The following RAB40B variants were observed in gnomAD, a reference collection of about 807,000 sequenced individuals.
RAB40B encodes the protein RAB40B, member RAS oncogene family.
Under a neutral mutation model 24.0 loss-of-function variants are expected in RAB40B, and 21 were observed. The ratio of observed to expected loss-of-function variants is 0.88; its 90% CI spans 0.62 to 1.26. RAB40B has a LOEUF of 1.26. RAB40B is among the 50% of genes most tolerant of loss of function. The pLI is 0.00. For synonymous variants in RAB40B, 167 were observed against 169.8 expected (o/e 0.98, Z 0.13); for missense variants, 348 against 390.5 (o/e 0.89, Z 0.92).
chr17:82,685,490 A>C (rs2244566), intron 1 of RAB40B, among the ~76,000 whole-genome samples: 130,986 of 152,092 alleles, frequency 0.86, 56,564 homozygotes, highest in African/African-American at 0.9. Context: ...TAGGGTCCCA[A>C]GGAGACAGCC....
Position 82,655,508 on chromosome 17 carries a change from T to C in RAB40B, c.*2355A>G, listed in dbSNP as rs1277190387. On this transcript the variant is annotated 3_prime_UTR_variant, in exon 6 of 6. Transcript: ENST00000571995. ...GGTTTGGCCTGGTTTAATGTTGCAA[T>C]GGGAGGATCCATTTCCTTACCCTTC... 1 of 152,246 alleles carries C rather than the reference T, an allele frequency of 6.6e-6. No homozygotes were observed. The highest frequency in any genetic ancestry group is 1.5e-5 in the Non-Finnish European group (1 of 68,048). The allele number at this position is 152,246 out of a possible 1,614,324, so 9.4% of individuals were successfully genotyped here.
Position 82,663,816 on chromosome 17 carries a change from A to G in RAB40B, c.203+680T>C, listed in dbSNP as rs1033551449. Among the ~76,000 whole-genome samples the G allele has an allele frequency of 2.0e-5, 3 of 152,162 alleles. No individual in the cohort carries two copies. The highest frequency in any genetic ancestry group is 1.3e-4 in the Admixed American group (2 of 15,288). The stretch of plus-strand genomic sequence containing the variant: ...CTCTTGGCATCTTCCCACAGACACC[A>G]GGCCACAGGTTCTGATCCCAAAAGC... On this transcript the variant is annotated intron_variant, in intron 2 of 5. Transcript: ENST00000571995. This position sits in a 1 kb window ranked among gnomAD's most constrained non-coding sequence, Gnocchi z 6.2.
intron 2 of RAB40B, chr17:82,662,281 C>T (rs1002794312): frequency 1.2e-4 from 118 of 985,370 alleles, no homozygotes; most frequent in African/African-American, 3.5e-5. Flanking sequence ...TCAGCAGGAC[C>T]TCAGGTGCTC....
Position 82,698,507 on chromosome 17 carries a change from G to T in RAB40B, c.90C>A (p.Ile30=). ...CCGCGCCATCCTGCAGGCTCGCCAG[G>T]ATCTCGCCCTTGCCCACGTCGCTGT... is the stretch of plus-strand genomic sequence containing the variant. ...VGDSDVGKGE[I]LASLQDGAAE... is the part of the protein sequence containing the mutation. Residue 30 remains isoleucine, a synonymous_variant, in exon 1 of 6, where the codon ATC becomes ATA. Transcript: ENST00000571995. 6.6e-7 allele frequency: 1 copy of T among 1,521,866 alleles called. No individual in the cohort carries two copies. The highest frequency in any genetic ancestry group is 8.9e-7 in the Non-Finnish European group (1 of 1,129,524). The allele number at this position is 1,521,866 out of a possible 1,614,324, so 94.3% of individuals were successfully genotyped here.
chr17:82,674,271 G>A (rs9895695), intron 1 of RAB40B, among the ~76,000 whole-genome samples: 93,071 of 150,606 alleles, frequency 0.62, 28,940 homozygotes, highest in East Asian at 0.73. Context: ...GCTGGGAGGC[G>A]GAGGTTGCAG....
At chr17:82,673,507 G>A (rs2046361415) in intron 1 of RAB40B, among the ~76,000 whole-genome samples, 1 of 152,176 alleles carries the variant, frequency 6.6e-6, no homozygotes, top group Non-Finnish European at 1.5e-5. Flanking sequence ...CATGGAAGAA[G>A]GTAGTATCTG....
At chr17:82,658,463 T>C (rs1464872236) in intron 5 of RAB40B, 28 bp downstream of exon 5, 7 of 1,606,648 alleles carry the variant, frequency 4.4e-6, no homozygotes, top group Non-Finnish European at 5.9e-6. Flanking sequence ...AGGGCAGAGG[T>C]GGCCCCCGGA....
rs1450386528 is a variant in RAB40B at position 82,655,926 on chromosome 17, C to T, written c.*1937G>A. On this transcript the variant is annotated 3_prime_UTR_variant, in exon 6 of 6. Transcript: ENST00000571995. ...CCATCTCTGAATACAGGCTTTGCCC[C>T]TGATTCTAGGGTCCCTTAAATTTCT... is the stretch of plus-strand genomic sequence containing the variant. 1 of 151,720 alleles carries T rather than the reference C, an allele frequency of 6.6e-6. No homozygotes were observed. Among genetic ancestry groups the T allele is most frequent in the African/African-American group, 2.4e-5 (1 of 41,252 alleles). The allele number at this position is 151,720 out of a possible 1,614,324, so 9.4% of individuals were successfully genotyped here. A position where few individuals can be genotyped will look rare whatever the true frequency, so the allele number is the denominator to read the frequency against.
rs145995032 is a variant in RAB40B, at chr17:82,661,956, C to A, written c.204-909G>T. On this transcript the variant is annotated intron_variant, in intron 2 of 5. Transcript: ENST00000571995. ...AAAGGGTGCTCCCCAGGGATCAGTTCCCAGAGGAGGCGGCCCTGGGACAGC... is the reference window on the plus strand; with the variant it reads ...AAAGGGTGCTCCCCAGGGATCAGTTACCAGAGGAGGCGGCCCTGGGACAGC... The A allele has an allele frequency of 1.3e-4, 126 of 985,044 alleles. No homozygotes were observed. In the East Asian group the frequency reaches 5.7e-3, roughly 45 times the overall value. 61.0% of individuals were successfully genotyped at this position (985,044 alleles called of 1,614,324 possible). A position where few individuals can be genotyped will look rare whatever the true frequency, so the allele number is the denominator to read the frequency against.
chr17:82,659,482 TGGGTA>T, intron 4 of RAB40B, 93 bp downstream of exon 4: 6 of 1,228,658 alleles, frequency 4.9e-6, no homozygotes, highest in Non-Finnish European at 7.1e-6. Context: ...CTGTGATCCA[TGGGTA>T]CCCATGAGCC....
chr17:82,697,884 C>T lies in RAB40B; in HGVS notation c.142+571G>A, dbSNP rs2046627454. ...ACGCGAGTCACCTGTGCTCCTTCCTCTCCCCCGGACACGCGGGACCCCTGG... is the reference window on the plus strand; with the variant it reads ...ACGCGAGTCACCTGTGCTCCTTCCTTTCCCCCGGACACGCGGGACCCCTGG... On this transcript the variant is annotated intron_variant, in intron 1 of 5. Coordinates refer to ENST00000571995, the MANE Select transcript of RAB40B (RefSeq NM_006822.3). This position sits in a 1 kb window ranked among gnomAD's most constrained non-coding sequence, Gnocchi z 4.9. Among the ~76,000 whole-genome samples, 1 of 152,192 alleles carries T rather than the reference C, an allele frequency of 6.6e-6. No homozygotes were observed. Among genetic ancestry groups the T allele is most frequent in the Non-Finnish European group, 1.5e-5 (1 of 68,020 alleles).
At chr17:82,680,760 G>A (rs938139611) in intron 1 of RAB40B, among the ~76,000 whole-genome samples, 6 of 151,866 alleles carry the variant, frequency 4.0e-5, no homozygotes, top group South Asian at 4.1e-4. Flanking sequence ...GGCCAGGCAC[G>A]GTGGCTCACG....
chr17:82,658,193 G>T, intron 5 of RAB40B, 59 bp from the exon 6 acceptor site: 1 of 1,571,862 alleles, frequency 6.4e-7, no homozygotes, highest in Non-Finnish European at 8.6e-7. Context: ...CTGGGAATGA[G>T]GGGTGGTGCC....
At chr17:82,687,690 C>T (rs572430134) in intron 1 of RAB40B, among the ~76,000 whole-genome samples, 2 of 152,308 alleles carry the variant, frequency 1.3e-5, no homozygotes, top group African/African-American at 2.4e-5. Context: ...CTGGCATCCT[C>T]GGAGAGACTG....
intron 3 of RAB40B, among the ~76,000 whole-genome samples, chr17:82,660,687 TAC>T (rs66713002): frequency 0.64 from 93,884 of 147,788 alleles, 29,424 homozygotes; most frequent in Admixed American, 0.7. Context: ...CACACACATG[TAC>T]ACACACACAC....
chr17:82,698,114 AGC>A (rs2046630680), intron 1 of RAB40B, among the ~76,000 whole-genome samples: 3 of 151,584 alleles, frequency 2.0e-5, no homozygotes, highest in African/African-American at 7.3e-5. Context: ...GGAGGAGCCC[AGC>A]GCCCGGCCCA....
chr17:82,686,824 G>GC lies in RAB40B; in HGVS notation c.142+11630dup, dbSNP rs556123282. 1.5e-3 allele frequency among the ~76,000 whole-genome samples: 224 copies of GC among 152,308 alleles called. 3 individuals carry two copies. The highest frequency in any genetic ancestry group is 5.1e-3 in the African/African-American group (210 of 41,564). On this transcript the variant is annotated intron_variant, in intron 1 of 5. Coordinates refer to ENST00000571995, the MANE Select transcript of RAB40B (RefSeq NM_006822.3). ...AGCCACTTCACTCAGCAGCTCTGGA[G>GC]CCCCCCACCTTCCTCCACGTTCCTC...
At chr17:82,658,383 A>T in intron 5 of RAB40B, 108 bp downstream of exon 5, 1 of 1,291,208 alleles carries the variant, frequency 7.7e-7, no homozygotes, top group Non-Finnish European at 1.1e-6. Context: ...GAACGGACAC[A>T]GTGGCCTTGA....
In RAB40B at chr17:82,674,510, G is replaced by T. The variant is rs575364067; in HGVS notation, c.143-9954C>A. ...AAAAATTAGCCGGGTGTGGTGGCGG[G>T]CACCTGTAGTCCCAGCTACTCGGGA... On this transcript the variant is annotated intron_variant, in intron 1 of 5. Transcript: ENST00000571995. 8.0e-3 allele frequency among the ~76,000 whole-genome samples: 1,205 copies of T among 150,260 alleles called. 16 individuals are homozygous for T. Among genetic ancestry groups the T allele is most frequent in the South Asian group, 0.014 (65 of 4,716 alleles).
Sources: gnomAD v4.1 joint callset for allele counts (sites outside exome capture counted in the v4.1 genomes callset) on GRCh38, gnomAD v4.1.1 for gene constraint, Gnocchi (gnomAD v3.1) non-coding constraint, MANE v1.5 for transcripts, NCBI Gene and HGNC (gene_info 2026-07-23, HGNC 2026-07-21) for gene names.